Variants in GREB1L observed in about 807,000 individuals in gnomAD.
GREB1L encodes the protein GREB1 like retinoic acid receptor coactivator.
A neutral mutation model predicts 200.8 loss-of-function variants in GREB1L; 17 were observed. The observed-to-expected ratio is 0.08, with a 90% CI of 0.06 to 0.13. GREB1L has a LOEUF of 0.13. Among genes scored for constraint, GREB1L ranks in the 10% least tolerant of loss-of-function variants. The pLI, the probability that GREB1L is intolerant of heterozygous loss-of-function variation, is 1.00. For missense variants in GREB1L, 1,657 were observed against 2,367.7 expected (o/e 0.70, Z 6.23); for synonymous variants, 789 against 893.0 (o/e 0.88, Z 2.08).
chr18:21,449,697 C>T lies in GREB1L; in HGVS notation c.1581C>T (p.Thr527=). 1 of 1,551,570 alleles carries T rather than the reference C, an allele frequency of 6.4e-7. No homozygotes were observed. The highest frequency in any genetic ancestry group is 1.4e-5 in the African/African-American group (1 of 73,100). The stretch of plus-strand genomic sequence containing the variant: ...AAGACTTGGTTCATGTGGTTGTGAC[C>T]CAGAACTCTTTGGCGGAGGGCATTT... The part of the protein sequence containing the change: ...VSQDLVHVVV[T]QNSLAEGISE... Residue 527 remains threonine, a synonymous_variant, in exon 12 of 33, where the codon ACC becomes ACT. Coordinates refer to ENST00000424526, the MANE Select transcript of GREB1L (RefSeq NM_001142966.3).
chr18:21,404,062 T>A, intron 7 of GREB1L, 68 bp downstream of exon 7: 1 of 1,333,280 alleles, frequency 7.5e-7, no homozygotes, highest in Non-Finnish European at 1.0e-6. Context: ...TTAAAATATA[T>A]ACTTACTGCT....
At chr18:21,521,551 TTTA>T (rs2146133699) in intron 32 of GREB1L, among the ~76,000 whole-genome samples, 1 of 152,234 alleles carries the variant, frequency 6.6e-6, no homozygotes, top group East Asian at 1.9e-4. Flanking sequence ...TATTTATTTA[TTTA>T]TTTATTTAGA....
chr18:21,266,400 G>A (rs1444753694), intron 1 of GREB1L, among the ~76,000 whole-genome samples: 1 of 152,164 alleles, frequency 6.6e-6, no homozygotes, highest in East Asian at 1.9e-4. Flanking sequence ...ATATGCAGCT[G>A]GAATTAGATT....
At position 21,340,561 on chromosome 18, in the gene GREB1L, G is replaced by A. The variant is rs555934583; in HGVS notation, c.-119-25466G>A. Among the ~76,000 whole-genome samples, 6 of 146,410 alleles carry A rather than the reference G, an allele frequency of 4.1e-5. No individual in the cohort carries two copies. In the South Asian group the frequency reaches 1.1e-3, roughly 27 times the overall value. On this transcript the variant is annotated intron_variant, in intron 1 of 32. Coordinates refer to ENST00000424526, the MANE Select transcript of GREB1L (RefSeq NM_001142966.3). The stretch of plus-strand genomic sequence containing the variant: ...TTCTTTCTTTTTTTTTTCTTTTTTT[G>A]AGACGGAGTCTTGCTCTGTCGCCCA...
intron 1 of GREB1L, among the ~76,000 whole-genome samples, chr18:21,278,879 C>T (rs766134770): frequency 1.3e-5 from 2 of 152,066 alleles, no homozygotes; most frequent in Non-Finnish European, 2.9e-5. Context: ...AAATTTGAAA[C>T]TAATTAACAT....
Position 21,449,502 on chromosome 18 carries a change from CT to C in GREB1L, c.1394-7del. ...TTTAAATTCCAGCTGTAATTCTCTT[CT>C]ATATAGGTCCTGATCAGGTACCTCT... On this transcript the variant is annotated splice_polypyrimidine_tract_variant and splice_region_variant and intron_variant, in intron 11 of 32. Coordinates refer to ENST00000424526, the MANE Select transcript of GREB1L (RefSeq NM_001142966.3). 6.7e-7 allele frequency: 1 copy of C among 1,483,996 alleles called. No homozygotes were observed. The highest frequency in any genetic ancestry group is 9.1e-7 in the Non-Finnish European group (1 of 1,103,546). 91.9% of individuals were successfully genotyped at this position (1,483,996 alleles called of 1,614,324 possible). A position where few individuals can be genotyped will look rare whatever the true frequency, so the allele number is the denominator to read the frequency against.
At chr18:21,452,499 T>C in intron 14 of GREB1L, 1 of 321,396 alleles carries the variant, frequency 3.1e-6, no homozygotes, top group Non-Finnish European at 5.6e-6. Flanking sequence ...GGACATTGGC[T>C]CATTTTCCTT....
chr18:21,397,370 C>T (rs1349117587), intron 5 of GREB1L, among the ~76,000 whole-genome samples: 1 of 151,362 alleles, frequency 6.6e-6, no homozygotes, highest in Admixed American at 6.6e-5. Context: ...CCGTCTCTAC[C>T]AAAAATTAGC....
intron 1 of GREB1L, among the ~76,000 whole-genome samples, chr18:21,354,833 A>T (rs1258739193): frequency 6.6e-6 from 1 of 152,224 alleles, no homozygotes; most frequent in Admixed American, 6.5e-5. Context: ...TTAGGAAGAG[A>T]ACATTGCAAG....
chr18:21,388,614 G>A (rs558024397), intron 4 of GREB1L, among the ~76,000 whole-genome samples: 6 of 140,460 alleles, frequency 4.3e-5, no homozygotes, highest in African/African-American at 8.2e-5. Flanking sequence ...GTGCGATCTC[G>A]GCTCACTGCA....
chr18:21,371,135 A>G (rs1420881361), intron 2 of GREB1L, among the ~76,000 whole-genome samples: 2 of 152,136 alleles, frequency 1.3e-5, no homozygotes, highest in Admixed American at 6.6e-5. Flanking sequence ...TTAGTTCCCC[A>G]GTCACACTGG....
chr18:21,438,975 A>G lies in GREB1L; in HGVS notation c.833-546A>G, dbSNP rs866399856. 6.6e-4 allele frequency among the ~76,000 whole-genome samples: 96 copies of G among 145,066 alleles called. 1 individual carries two copies. The highest frequency in any genetic ancestry group is 1.9e-3 in the African/African-American group (72 of 37,890). ...GACTCTGTCTCAAAAAAAAAAAAAAAAAAAGAAAAGAAAAGAAAAGAAAGA... is the reference window on the plus strand; with the variant it reads ...GACTCTGTCTCAAAAAAAAAAAAAAGAAAAGAAAAGAAAAGAAAAGAAAGA... On this transcript the variant is annotated intron_variant, in intron 7 of 32. Coordinates refer to ENST00000424526, the MANE Select transcript of GREB1L (RefSeq NM_001142966.3).
At chr18:21,314,209 A>G (rs771113548) in intron 1 of GREB1L, among the ~76,000 whole-genome samples, 2 of 152,212 alleles carry the variant, frequency 1.3e-5, no homozygotes, top group African/African-American at 2.4e-5. Context: ...TGCTATGGTG[A>G]GGATGCTTCT....
rs549656864 is a variant in GREB1L, at chr18:21,312,397, G to C, written c.-119-53630G>C. On this transcript the variant is annotated intron_variant, in intron 1 of 32. Transcript: ENST00000424526. ...TCTGTTTTTAGCTGTTTCAGGAATC[G>C]CCACACTGCTTTTCCACAGTGGTCG... Among the ~76,000 whole-genome samples, 41 of 152,140 alleles carry C rather than the reference G, an allele frequency of 2.7e-4. No homozygotes were observed. In the South Asian group the frequency reaches 8.3e-3, roughly 31 times the overall value.
At position 21,317,306 on chromosome 18, in the gene GREB1L, G is replaced by A. The variant is rs548820804; in HGVS notation, c.-119-48721G>A. 2.6e-5 allele frequency among the ~76,000 whole-genome samples: 4 copies of A among 152,126 alleles called. No individual in the cohort carries two copies. In the South Asian group the frequency reaches 8.3e-4, roughly 32 times the overall value. ...AAATTGCAAACTCATTATACAATAA[G>A]TTTGTGATTGTAGGCCTGGCGCAGT... On this transcript the variant is annotated intron_variant, in intron 1 of 32. Coordinates refer to ENST00000424526, the MANE Select transcript of GREB1L (RefSeq NM_001142966.3).
At chr18:21,445,251 G>T (rs1006066594) in intron 11 of GREB1L, among the ~76,000 whole-genome samples, 1 of 152,216 alleles carries the variant, frequency 6.6e-6, no homozygotes, top group Non-Finnish European at 1.5e-5. Flanking sequence ...AAGGTGGGCG[G>T]ATCACCTGAG....
intron 1 of GREB1L, among the ~76,000 whole-genome samples, chr18:21,305,274 C>T (rs530990545): frequency 7.9e-5 from 12 of 151,986 alleles, no homozygotes; most frequent in Non-Finnish European, 1.3e-4. Flanking sequence ...GTACCCGGCC[C>T]CTATGTTAAT....
At chr18:21,498,630 T>C (rs909655589) in intron 21 of GREB1L, among the ~76,000 whole-genome samples, 4 of 152,204 alleles carry the variant, frequency 2.6e-5, no homozygotes, top group Non-Finnish European at 5.9e-5. Flanking sequence ...CTTGCTCTGC[T>C]GAACTCACAA....
At chr18:21,340,553 CT>C (rs1567943274) in intron 1 of GREB1L, among the ~76,000 whole-genome samples, 1 of 143,306 alleles carries the variant, frequency 7.0e-6, no homozygotes, top group Non-Finnish European at 1.5e-5. Context: ...TTTTTTTTTT[CT>C]TTTTTTGAGA....
Sources: allele counts gnomAD v4.1 joint callset (sites outside exome capture counted in the v4.1 genomes callset), GRCh38; gene constraint gnomAD v4.1.1; transcripts MANE v1.5; gene names NCBI Gene and HGNC (gene_info 2026-07-23, HGNC 2026-07-21).